The following CBLB variants were observed in gnomAD, a reference collection of about 807,000 sequenced individuals.
The protein encoded by CBLB is E3 ubiquitin-protein ligase CBL-B.
CBLB carries 31 observed loss-of-function variants against 104.9 expected under a neutral mutation model. The ratio of observed to expected loss-of-function variants is 0.30; its 90% CI spans 0.22 to 0.40. The LOEUF (loss-of-function observed/expected upper bound fraction) is 0.40. Among genes scored for constraint, CBLB ranks in the 10% least tolerant of loss-of-function variants. The pLI, the probability that CBLB is intolerant of heterozygous loss-of-function variation, is 1.00. For synonymous variants in CBLB, 440 were observed against 422.6 expected (o/e 1.04, Z -0.51); for missense variants, 1,062 against 1,214.6 (o/e 0.87, Z 1.87).
At position 105,668,850 on chromosome 3, in the gene CBLB, T is replaced by C. The variant is rs1259509275; in HGVS notation, c.2689+1383A>G. Among the ~76,000 whole-genome samples, 7 of 152,184 alleles carry C rather than the reference T, an allele frequency of 4.6e-5. No individual in the cohort carries two copies. The South Asian group carries it at 1.2e-3, about 27-fold the overall frequency. On this transcript the variant is annotated intron_variant, in intron 18 of 18. Transcript: ENST00000394030. ...TAAAACAGCTCATTAATTATCTTGATTCAGAAGTTTCAGAATGTATTGCTA... is the reference window on the plus strand; with the variant it reads ...TAAAACAGCTCATTAATTATCTTGACTCAGAAGTTTCAGAATGTATTGCTA...
At chr3:105,845,114 C>T (rs137965873) in intron 3 of CBLB, among the ~76,000 whole-genome samples, 3 of 151,960 alleles carry the variant, frequency 2.0e-5, no homozygotes, top group Non-Finnish European at 4.4e-5. Context: ...GACTGAAAAA[C>T]ATAAACGGTA....
intron 4 of CBLB, among the ~76,000 whole-genome samples, chr3:105,764,282 A>C (rs879620735): frequency 1.3e-5 from 2 of 152,204 alleles, no homozygotes; most frequent in Non-Finnish European, 2.9e-5. Context: ...CAGGTATATA[A>C]TATAAATTAG....
At chr3:105,730,254 C>G (rs771685875) in intron 9 of CBLB, among the ~76,000 whole-genome samples, 4 of 151,826 alleles carry the variant, frequency 2.6e-5, no homozygotes, top group Non-Finnish European at 5.9e-5. Context: ...AAAAAAATCA[C>G]AATGTAAAAT....
At chr3:105,863,014 T>C (rs961441751) in intron 2 of CBLB, among the ~76,000 whole-genome samples, 5 of 152,206 alleles carry the variant, frequency 3.3e-5, no homozygotes, top group African/African-American at 9.7e-5. Context: ...CTTTCCATAG[T>C]TGAGATTTGA....
intron 18 of CBLB, 147 bp downstream of exon 18, chr3:105,670,086 T>A: frequency 1.4e-6 from 1 of 708,132 alleles, no homozygotes; most frequent in South Asian, 2.0e-5. Context: ...CAATGCCAGC[T>A]TTATAAGCAA....
At chr3:105,847,893 C>T (rs773204846) in intron 3 of CBLB, among the ~76,000 whole-genome samples, 1 of 152,072 alleles carries the variant, frequency 6.6e-6, no homozygotes, top group Non-Finnish European at 1.5e-5. Context: ...TTAGCAATGA[C>T]AACCTTCACA....
At chr3:105,687,411 C>A (rs1376993628) in intron 13 of CBLB, among the ~76,000 whole-genome samples, 1 of 151,894 alleles carries the variant, frequency 6.6e-6, no homozygotes, top group Non-Finnish European at 1.5e-5. Context: ...GAGTAATTTC[C>A]CCCACTCTTT....
At chr3:105,861,094 T>A (rs2092044712) in intron 2 of CBLB, among the ~76,000 whole-genome samples, 1 of 151,996 alleles carries the variant, frequency 6.6e-6, no homozygotes, top group African/African-American at 2.4e-5. Flanking sequence ...AATGTGTCTT[T>A]CATTACTTGA....
rs114202462 is a variant in CBLB, at chr3:105,680,183, T to A, written c.2428+1296A>T. ...CAGTGAAGTGTTGAAGAACAGGAAG[T>A]CCTGGGATATCAGAAGGCTCAAAAA... On this transcript the variant is annotated intron_variant, in intron 16 of 18. Coordinates refer to ENST00000394030, the MANE Select transcript of CBLB (RefSeq NM_170662.5). Among the ~76,000 whole-genome samples, 1,478 of 152,174 alleles carry A rather than the reference T, an allele frequency of 9.7e-3. 14 individuals are homozygous for A. Among genetic ancestry groups the A allele is most frequent in the Non-Finnish European group, 0.017 (1,151 of 67,980 alleles).
chr3:105,766,993 T>G (rs2078295755), intron 4 of CBLB, among the ~76,000 whole-genome samples: 2 of 152,192 alleles, frequency 1.3e-5, no homozygotes, highest in South Asian at 2.1e-4. Context: ...GCATCTTAGT[T>G]GTTTTGTATC....
chr3:105,699,791 A>G (rs2152773260), intron 12 of CBLB, among the ~76,000 whole-genome samples: 1 of 152,316 alleles, frequency 6.6e-6, no homozygotes, highest in East Asian at 1.9e-4. Context: ...AACTATATAT[A>G]AATTCTTTTT....
At chr3:105,700,305 T>G (rs1186924072) in intron 12 of CBLB, among the ~76,000 whole-genome samples, 1 of 152,058 alleles carries the variant, frequency 6.6e-6, no homozygotes, top group Non-Finnish European at 1.5e-5. Context: ...AGACAAGATA[T>G]CTTCAATGAA....
At chr3:105,727,339 A>T (rs2073792525) in intron 9 of CBLB, among the ~76,000 whole-genome samples, 1 of 152,186 alleles carries the variant, frequency 6.6e-6, no homozygotes, top group African/African-American at 2.4e-5. Flanking sequence ...TGCTGGCTGC[A>T]TAAATGTCTT....
At chr3:105,760,620 CA>C (rs11453291) in intron 4 of CBLB, among the ~76,000 whole-genome samples, 16 of 147,786 alleles carry the variant, frequency 1.1e-4, no homozygotes, top group South Asian at 2.1e-4. Flanking sequence ...GAATTACAAA[CA>C]AAAAAAAAAG....
At chr3:105,794,876 C>T (rs1050072051) in intron 3 of CBLB, among the ~76,000 whole-genome samples, 17 of 152,000 alleles carry the variant, frequency 1.1e-4, no homozygotes, top group Middle Eastern at 3.4e-3. Flanking sequence ...TGCATATATG[C>T]ACCAAAAGAC....
intron 16 of CBLB, 198 bp downstream of exon 16, chr3:105,681,281 C>A (rs2066283803): frequency 1.6e-6 from 1 of 608,086 alleles, no homozygotes; most frequent in African/African-American, 1.9e-5. Context: ...TGCCCAACTA[C>A]TACACTACTA....
chr3:105,712,195 AT>A (rs1294737376), intron 10 of CBLB, among the ~76,000 whole-genome samples: 1 of 152,130 alleles, frequency 6.6e-6, no homozygotes, highest in African/African-American at 2.4e-5. Flanking sequence ...AAAGTTTTGT[AT>A]TTTACTTTAA....
At chr3:105,869,332 C>T, upstream of CBLB, 1 of 1,316,522 alleles carries the variant, frequency 7.6e-7, no homozygotes, top group Non-Finnish European at 1.0e-6. Flanking sequence ...CACGAAGGAG[C>T]TAACCAATAA....
chr3:105,855,855 C>T (rs928613674), intron 2 of CBLB, among the ~76,000 whole-genome samples: 11 of 152,094 alleles, frequency 7.2e-5, no homozygotes, highest in African/African-American at 2.2e-4. Context: ...TTTGTACTTT[C>T]GTATTCTTTA....
Sources: gnomAD v4.1 joint callset for allele counts (sites outside exome capture counted in the v4.1 genomes callset) on GRCh38, gnomAD v4.1.1 for gene constraint, MANE v1.5 for transcripts, NCBI Gene and HGNC (gene_info 2026-07-23, HGNC 2026-07-21) for gene names.